The following MTRES1 variants were observed in gnomAD, a reference collection of about 807,000 sequenced individuals.
MTRES1 encodes mitochondrial transcription rescue factor 1, also known as uncharacterized protein C6orf203.
A neutral mutation model predicts 17.4 loss-of-function variants in MTRES1; 11 were observed. The observed-to-expected ratio is 0.63, with a 90% CI of 0.40 to 1.05. The LOEUF is 1.05. Ranked by LOEUF, MTRES1 falls within the 50% of genes least tolerant of loss-of-function variation. The pLI, the probability that MTRES1 is intolerant of heterozygous loss-of-function variation, is 0.00. For synonymous variants in MTRES1, 94 were observed against 99.6 expected, an observed-to-expected ratio of 0.94 and a Z score of 0.34; for missense variants, 268 against 276.2, an observed-to-expected ratio of 0.97 and a Z score of 0.21.
At chr6:107,029,299 C>T (rs1443672985) in intron 1 of MTRES1, among the ~76,000 whole-genome samples, 23 of 151,790 alleles carry the variant, frequency 1.5e-4, no homozygotes, top group South Asian at 2.1e-4. Flanking sequence ...GCCATTCTCC[C>T]GCCTCAGCCT....
chr6:107,049,559 G>A (rs183714736), intron 3 of MTRES1, among the ~76,000 whole-genome samples: 29 of 151,484 alleles, frequency 1.9e-4, no homozygotes, highest in Admixed American at 7.2e-4. Flanking sequence ...AACTACAGGC[G>A]CCCGCCACCA....
intron 1 of MTRES1, chr6:107,030,078 C>T: frequency 1.4e-6 from 1 of 718,122 alleles, no homozygotes; most frequent in Non-Finnish European, 2.6e-6. Context: ...CTGCTGAATT[C>T]CTAGTGCCCA....
rs556221924 is a variant in MTRES1, at chr6:107,031,030, G to T, written c.-13+2759G>T. Reference sequence around the variant, plus strand: ...ACATTTAAGAGCTGAGCTGGATAAAGTGAATGTAGAAGAGAAGAGGACCAA... The same window carrying T: ...ACATTTAAGAGCTGAGCTGGATAAATTGAATGTAGAAGAGAAGAGGACCAA... On this transcript the variant is annotated intron_variant, in intron 1 of 3. Transcript: ENST00000311381. 3.3e-5 allele frequency among the ~76,000 whole-genome samples: 5 copies of T among 152,242 alleles called. No homozygotes were observed. The East Asian group carries it at 7.7e-4, about 24-fold the overall frequency.
chr6:107,042,347 A>AAG (rs1554227873), intron 2 of MTRES1, among the ~76,000 whole-genome samples: 2 of 148,444 alleles, frequency 1.3e-5, no homozygotes, highest in African/African-American at 5.2e-5. Context: ...CTCAAAAAAA[A>AAG]AAAAAAAAAA....
At chr6:107,029,458 A>G (rs1467798290) in intron 1 of MTRES1, among the ~76,000 whole-genome samples, 1 of 151,042 alleles carries the variant, frequency 6.6e-6, no homozygotes, top group East Asian at 2.0e-4. Flanking sequence ...CAGTGCTGGG[A>G]TTACAGGCGT....
intron 1 of MTRES1, among the ~76,000 whole-genome samples, chr6:107,032,435 G>C (rs1773875071): frequency 6.6e-6 from 1 of 152,160 alleles, no homozygotes; most frequent in African/African-American, 2.4e-5. Context: ...TGCCTGAGCT[G>C]GGTGCAGTGG....
At chr6:107,049,370 AAGCAGC>A (rs1774508270) in intron 3 of MTRES1, among the ~76,000 whole-genome samples, 1 of 150,908 alleles carries the variant, frequency 6.6e-6, no homozygotes, top group Admixed American at 6.6e-5. Flanking sequence ...GTTTTAGTAG[AAGCAGC>A]AGCATGTGGC....
chr6:107,038,289 C>T (rs567000268), intron 1 of MTRES1, among the ~76,000 whole-genome samples: 1 of 152,266 alleles, frequency 6.6e-6, no homozygotes, highest in South Asian at 2.1e-4. Flanking sequence ...AAGTCATTTG[C>T]AGACTCACGG....
intron 3 of MTRES1, among the ~76,000 whole-genome samples, chr6:107,049,753 C>T (rs1485090876): frequency 7.7e-6 from 1 of 130,524 alleles, no homozygotes; most frequent in Non-Finnish European, 1.6e-5. Flanking sequence ...CAGAGCTTTG[C>T]TCTTGTCGCC....
At chr6:107,039,472 A>G (rs970541230) in intron 1 of MTRES1, among the ~76,000 whole-genome samples, 9 of 151,912 alleles carry the variant, frequency 5.9e-5, no homozygotes, top group Non-Finnish European at 1.2e-4. Flanking sequence ...GGCGCCTGCC[A>G]CCACACCCGG....
chr6:107,048,847 C>T (rs557740283), intron 3 of MTRES1, among the ~76,000 whole-genome samples: 2 of 151,996 alleles, frequency 1.3e-5, no homozygotes, highest in South Asian at 2.1e-4. Flanking sequence ...CCCCCCACCC[C>T]TGCCCAGGTA....
At chr6:107,029,498 T>C (rs543619902) in intron 1 of MTRES1, among the ~76,000 whole-genome samples, 1 of 147,822 alleles carries the variant, frequency 6.8e-6, no homozygotes, top group Admixed American at 6.7e-5. Flanking sequence ...GTTTTGTTGT[T>C]TTTTTTTTTG....
intron 1 of MTRES1, among the ~76,000 whole-genome samples, chr6:107,037,070 C>T (rs913219582): frequency 2.6e-5 from 4 of 151,776 alleles, no homozygotes; most frequent in East Asian, 3.9e-4. Flanking sequence ...TGAGCCACTG[C>T]GCCTAGCCTA....
intron 3 of MTRES1, among the ~76,000 whole-genome samples, chr6:107,045,096 G>A (rs1429283849): frequency 6.6e-6 from 1 of 151,686 alleles, no homozygotes; most frequent in Non-Finnish European, 1.5e-5. Context: ...GAGACGGGAG[G>A]ATTATCTGAG....
In MTRES1 at chr6:107,039,825, T is replaced by C; in HGVS notation, c.65T>C (p.Leu22Pro). The change falls in exon 2 of 4, where the codon CTC becomes CCC. Residue 22 changes from leucine (L) to proline (P), a missense_variant. Leu to Pro is a moderately conservative substitution (Grantham distance 98). Transcript: ENST00000311381. Reference sequence around the variant, plus strand: ...AGAAAGCCAGATGCCTGGATTGGACTCTGGGGTGTTCTCCGAGGGACACCT... The same window carrying C: ...AGAAAGCCAGATGCCTGGATTGGACCCTGGGGTGTTCTCCGAGGGACACCT... Reference protein sequence around the residue: ...VLRKPDAWIGLWGVLRGTPSS... With the variant: ...VLRKPDAWIGPWGVLRGTPSS... 1.2e-6 allele frequency: 2 copies of C among 1,614,100 alleles called. No individual in the cohort carries two copies. The highest frequency in any genetic ancestry group is 1.7e-6 in the Non-Finnish European group (2 of 1,180,020).
chr6:107,042,603 C>T (rs1554227909), intron 2 of MTRES1, among the ~76,000 whole-genome samples: 2 of 152,154 alleles, frequency 1.3e-5, no homozygotes, highest in African/African-American at 4.8e-5. Flanking sequence ...GCGTTAAGTT[C>T]AGAGAGATCA....
At position 107,040,128 on chromosome 6, in the gene MTRES1, AG is replaced by A; in HGVS notation, c.370del (p.Asp124MetfsTer5). On this transcript the variant is annotated frameshift_variant, in exon 2 of 4. Transcript: ENST00000311381. LOFTEE classifies it high-confidence loss of function. Reference sequence around the variant, plus strand: ...ATGAGTGAGCAGGAAGAGGAGCTTGAGGATGATCCTACTGTAGTCAAAAACT... The same window carrying A: ...ATGAGTGAGCAGGAAGAGGAGCTTGAGATGATCCTACTGTAGTCAAAAACT... ...DEMSEQEEEL[E>X]DDPTVVKNYK... The A allele has an allele frequency of 6.2e-7, 1 of 1,613,878 alleles. No homozygotes were observed. The highest frequency in any genetic ancestry group is 8.5e-7 in the Non-Finnish European group (1 of 1,180,008).
intron 3 of MTRES1, among the ~76,000 whole-genome samples, chr6:107,048,788 A>G (rs1280851393): frequency 7.8e-4 from 118 of 151,718 alleles, no homozygotes; most frequent in African/African-American, 2.8e-3. Flanking sequence ...CAAAAAAAAA[A>G]AAAAAAGAAA....
At chr6:107,049,436 C>T (rs11967035) in intron 3 of MTRES1, among the ~76,000 whole-genome samples, 37,936 of 126,332 alleles carry the variant, frequency 0.3, 5,739 homozygotes, top group East Asian at 0.4. Context: ...TTTTTGGAGA[C>T]GGAGTCTCGC....
Sources: allele counts gnomAD v4.1 joint callset (sites outside exome capture counted in the v4.1 genomes callset), GRCh38; gene constraint gnomAD v4.1.1; transcripts MANE v1.5; gene names NCBI Gene and HGNC (gene_info 2026-07-23, HGNC 2026-07-21).